Variants in PLXNA4 observed in about 807,000 individuals in gnomAD.
The protein encoded by PLXNA4 is plexin-A4.
In PLXNA4, 44 loss-of-function variants were observed where a neutral mutation model predicts 191.8. The observed-to-expected ratio is 0.23, with a 90% confidence interval of 0.18 to 0.29. The LOEUF (loss-of-function observed/expected upper bound fraction) is 0.29. Among genes scored for constraint, PLXNA4 ranks in the 10% least tolerant of loss-of-function variants. The pLI, the probability that PLXNA4 is intolerant of heterozygous loss-of-function variation, is 1.00. For missense variants in PLXNA4, 1,800 were observed against 2,488.8 expected (o/e 0.72, Z 5.89); for synonymous variants, 1,082 against 1,009.5 (o/e 1.07, Z -1.36).
rs372683336 is a variant in PLXNA4 at position 132,224,744 on chromosome 7, T to C, written c.1983-1103A>G. ...TTTGCCGCAAGAGGCAAGAGGAGAG[T>C]CCCAGGGCTAGAGTAACTCATTTTT... On this transcript the variant is annotated intron_variant, in intron 8 of 31. Transcript: ENST00000321063. Among the ~76,000 whole-genome samples, 196 of 150,866 alleles carry C rather than the reference T, an allele frequency of 1.3e-3. 8 individuals carry two copies. The South Asian group carries it at 0.04, about 31-fold the overall frequency.
intron 9 of PLXNA4, among the ~76,000 whole-genome samples, chr7:132,215,734 C>T (rs960962700): frequency 6.6e-6 from 1 of 152,176 alleles, no homozygotes. Flanking sequence ...CCTCCATCAA[C>T]ACCCTAAGTG....
chr7:132,389,240 C>T (rs751747566), intron 3 of PLXNA4, among the ~76,000 whole-genome samples: 2 of 152,112 alleles, frequency 1.3e-5, no homozygotes. Context: ...TGATAGTTTC[C>T]TTTGCTGTGC....
intron 7 of PLXNA4, among the ~76,000 whole-genome samples, chr7:132,226,614 G>A (rs978830687): frequency 2.6e-5 from 4 of 152,118 alleles, no homozygotes; most frequent in African/African-American, 9.7e-5. Context: ...ATCTAGGAAT[G>A]CTGCCACAAA....
chr7:132,531,352 A>G (rs1311806139), intron 1 of PLXNA4, among the ~76,000 whole-genome samples: 1 of 152,222 alleles, frequency 6.6e-6, no homozygotes, highest in Non-Finnish European at 1.5e-5. Context: ...ATAACAAGGA[A>G]AAGGCTTATG....
At chr7:132,249,447 G>A (rs539729269) in intron 4 of PLXNA4, among the ~76,000 whole-genome samples, 3 of 152,298 alleles carry the variant, frequency 2.0e-5, no homozygotes, top group South Asian at 2.1e-4. Context: ...ATTAGCAAAC[G>A]GCAGTAGCTG....
chr7:132,420,045 C>T (rs184683489), intron 3 of PLXNA4, among the ~76,000 whole-genome samples: 6 of 152,334 alleles, frequency 3.9e-5, no homozygotes, highest in South Asian at 2.1e-4. Context: ...CATCAACCAA[C>T]GCTTGCAGCA....
At chr7:132,438,909 A>G (rs140524352) in intron 3 of PLXNA4, among the ~76,000 whole-genome samples, 4 of 152,220 alleles carry the variant, frequency 2.6e-5, no homozygotes, top group Non-Finnish European at 5.9e-5. Flanking sequence ...TCACAGGTTT[A>G]TATGAAACAT....
At chr7:132,316,625 G>A (rs923407479) in intron 3 of PLXNA4, among the ~76,000 whole-genome samples, 9 of 152,124 alleles carry the variant, frequency 5.9e-5, no homozygotes, top group African/African-American at 2.2e-4. Context: ...CTGGGTTTGG[G>A]AAGTGTCCTT....
At chr7:132,388,121 C>A (rs188411325) in intron 3 of PLXNA4, among the ~76,000 whole-genome samples, 59 of 152,252 alleles carry the variant, frequency 3.9e-4, no homozygotes, top group Admixed American at 7.2e-4. Context: ...GAAAGGAAAT[C>A]ACAAGGAATA....
At chr7:132,568,588 A>G (rs1801841166) in intron 1 of PLXNA4, among the ~76,000 whole-genome samples, 1 of 152,132 alleles carries the variant, frequency 6.6e-6, no homozygotes, top group African/African-American at 2.4e-5. Context: ...CCCCACCCCA[A>G]TTCTGAACTG....
intron 1 of PLXNA4, among the ~76,000 whole-genome samples, chr7:132,562,702 C>G (rs1443239594): frequency 2.6e-5 from 3 of 114,998 alleles, no homozygotes; most frequent in Non-Finnish European, 5.3e-5. Context: ...TCCTCCTCCT[C>G]CTTCACCTCC....
rs552072070 is a variant in PLXNA4 at position 132,373,575 on chromosome 7, A to G, written c.1372-75353T>C. On this transcript the variant is annotated intron_variant, in intron 3 of 31. Transcript: ENST00000321063. ...TCCACTGGAAATCCAGATCCCATCAATGCTCTAAAGCTGGGGAGTCTACTG... is the reference window on the plus strand; with the variant it reads ...TCCACTGGAAATCCAGATCCCATCAGTGCTCTAAAGCTGGGGAGTCTACTG... 2.6e-5 allele frequency among the ~76,000 whole-genome samples: 4 copies of G among 152,336 alleles called. No homozygotes were observed. The East Asian group carries it at 7.7e-4, about 29-fold the overall frequency.
intron 2 of PLXNA4, among the ~76,000 whole-genome samples, chr7:132,592,482 G>A (rs1287717792): frequency 1.3e-5 from 2 of 151,032 alleles, no homozygotes; most frequent in Non-Finnish European, 2.9e-5. Flanking sequence ...CATCAGTTAT[G>A]CTTGCTGTGG....
intron 3 of PLXNA4, among the ~76,000 whole-genome samples, chr7:132,341,761 C>A (rs536736557): frequency 6.6e-6 from 1 of 152,278 alleles, no homozygotes; most frequent in African/African-American, 2.4e-5. Context: ...GGGTTGAGTT[C>A]TTTCTCTAGA....
At chr7:132,220,582 G>A (rs917836326) in intron 9 of PLXNA4, among the ~76,000 whole-genome samples, 1 of 152,046 alleles carries the variant, frequency 6.6e-6, no homozygotes, top group African/African-American at 2.4e-5. Flanking sequence ...CAAGAGCTTA[G>A]TACATACAGC....
intron 2 of PLXNA4, among the ~76,000 whole-genome samples, chr7:132,620,223 C>G (rs1803235127): frequency 6.6e-6 from 1 of 152,192 alleles, no homozygotes; most frequent in Non-Finnish European, 1.5e-5. Context: ...ATAATCCCAC[C>G]TACTCTTGTG....
At chr7:132,505,187 A>G (rs57171353) in intron 2 of PLXNA4, among the ~76,000 whole-genome samples, 16,820 of 152,214 alleles carry the variant, frequency 0.11, 1,170 homozygotes, top group Non-Finnish European at 0.14. Flanking sequence ...ATCTTGCTCC[A>G]TTACTCCCCG....
intron 1 of PLXNA4, among the ~76,000 whole-genome samples, chr7:132,562,985 T>TCCTCCTCCTCCTC (rs1563175152): frequency 2.6e-4 from 2 of 7,594 alleles, no homozygotes; most frequent in Non-Finnish European, 5.4e-4. Context: ...TCCTCCTCCT[T>TCCTCCTCCTCCTC]CTCCTCCTCC....
At position 132,500,954 on chromosome 7, in the gene PLXNA4, C is replaced by T. The variant is rs750990600; in HGVS notation, c.1188+6552G>A. Among the ~76,000 whole-genome samples, 5 of 152,166 alleles carry T rather than the reference C, an allele frequency of 3.3e-5. No homozygotes were observed. In the South Asian group the frequency reaches 8.3e-4, roughly 25 times the overall value. ...TCCTAGACCAGTAACCCGGCCAAGA[C>T]GCCACCCTGTGAGGACGAAAGGAAT... On this transcript the variant is annotated intron_variant, in intron 2 of 31. Transcript: ENST00000321063.
Sources: gnomAD v4.1 joint callset for allele counts (sites outside exome capture counted in the v4.1 genomes callset) on GRCh38, gnomAD v4.1.1 for gene constraint, MANE v1.5 for transcripts, NCBI Gene and HGNC (gene_info 2026-07-23, HGNC 2026-07-21) for gene names.